Variants in LRRC8C observed in about 807,000 individuals in gnomAD.
The protein encoded by LRRC8C is leucine rich repeat containing 8 VRAC subunit C, also known as volume-regulated anion channel subunit LRRC8C.
LRRC8C carries 20 observed loss-of-function variants against 55.3 expected under a neutral mutation model. The ratio of observed to expected loss-of-function variants is 0.36; its 90% CI spans 0.25 to 0.53. The LOEUF is 0.53. LRRC8C is among the 20% of genes least tolerant of loss of function. The pLI is 0.92. For synonymous variants in LRRC8C, 376 were observed against 360.7 expected (o/e 1.04, Z -0.48); for missense variants, 659 against 951.4 (o/e 0.69, Z 4.04).
the LRRC8C span, among the ~76,000 whole-genome samples, chr1:89,621,618 C>A: frequency 6.6e-6 from 1 of 152,122 alleles, no homozygotes; most frequent in African/African-American, 2.4e-5. Context: ...TCACAATGTG[C>A]CCACCTGGGG....
chr1:89,639,878 T>A (rs1020133216), intron 1 of LRRC8C, among the ~76,000 whole-genome samples: 4 of 152,366 alleles, frequency 2.6e-5, no homozygotes, highest in Admixed American at 6.5e-5. Context: ...GTCATACTTC[T>A]TAATAGGGAC....
At position 89,715,744 on chromosome 1, in the gene LRRC8C, G is replaced by A. The variant is rs1357284100; in HGVS notation, c.*762G>A. ...TATGTAGTACTGGTGAACAACTTTGGAGAACCTAGATTTATTTTAATATTC... is the reference window on the plus strand; with the variant it reads ...TATGTAGTACTGGTGAACAACTTTGAAGAACCTAGATTTATTTTAATATTC... On this transcript the variant is annotated 3_prime_UTR_variant, in exon 3 of 3. Coordinates refer to ENST00000370454, the MANE Select transcript of LRRC8C (RefSeq NM_032270.5). The A allele has an allele frequency of 6.6e-6, 1 of 152,078 alleles. No homozygotes were observed. The highest frequency in any genetic ancestry group is 1.5e-5 in the Non-Finnish European group (1 of 68,020). The allele number at this position is 152,078 out of a possible 1,614,324, so 9.4% of individuals were successfully genotyped here. A position where few individuals can be genotyped will look rare whatever the true frequency, so the allele number is the denominator to read the frequency against.
chr1:89,659,940 G>A (rs1657066955), intron 1 of LRRC8C, among the ~76,000 whole-genome samples: 2 of 152,164 alleles, frequency 1.3e-5, no homozygotes, highest in Admixed American at 1.3e-4. Context: ...ACCCAGGGGA[G>A]TGAAGAGGTG....
At position 89,682,743 on chromosome 1, in the gene LRRC8C, T is replaced by A. The variant is rs1424913933; in HGVS notation, c.-4-3727T>A. ...ATTGAGGCAGTAAAAATTACTGTTT[T>A]AATAACTTTCAACCTTTGACTGCAT... On this transcript the variant is annotated intron_variant, in intron 1 of 2. Transcript: ENST00000370454. 5.3e-5 allele frequency among the ~76,000 whole-genome samples: 8 copies of A among 152,340 alleles called. No individual in the cohort carries two copies. The East Asian group carries it at 1.3e-3, about 26-fold the overall frequency.
intron 1 of LRRC8C, among the ~76,000 whole-genome samples, chr1:89,638,684 A>C (rs1656363441): frequency 6.6e-6 from 1 of 152,136 alleles, no homozygotes. Context: ...CCTTCAGCTG[A>C]AACTTACATG....
the LRRC8C span, among the ~76,000 whole-genome samples, chr1:89,627,021 A>G: frequency 6.7e-6 from 1 of 150,192 alleles, no homozygotes; most frequent in Admixed American, 6.6e-5. Flanking sequence ...TTAAGTTTCC[A>G]TAGCAACCAG....
intron 1 of LRRC8C, among the ~76,000 whole-genome samples, chr1:89,672,089 G>T (rs1253327981): frequency 6.6e-6 from 1 of 152,138 alleles, no homozygotes; most frequent in Non-Finnish European, 1.5e-5. Flanking sequence ...ATAGCAAAAT[G>T]AAACATTTTA....
chr1:89,670,588 TCTCTTCAGAAAAATGTCAATTTAAA>T (rs1305345564), intron 1 of LRRC8C, among the ~76,000 whole-genome samples: 1 of 152,212 alleles, frequency 6.6e-6, no homozygotes, highest in East Asian at 1.9e-4. Context: ...CTGTGGACTT[TCTCTTCAGAAAAATGTCAATTTAAA>T]AAATAATGAA....
intron 1 of LRRC8C, among the ~76,000 whole-genome samples, chr1:89,645,586 T>C (rs1445444095): frequency 6.6e-6 from 1 of 152,050 alleles, no homozygotes; most frequent in African/African-American, 2.4e-5. Flanking sequence ...GTCTAACTAC[T>C]GAAAACCAAA....
At chr1:89,684,027 T>C (rs918807435) in intron 1 of LRRC8C, among the ~76,000 whole-genome samples, 1 of 152,138 alleles carries the variant, frequency 6.6e-6, no homozygotes, top group East Asian at 1.9e-4. Context: ...TTGGAAAATA[T>C]GGTTATTTTT....
At chr1:89,705,463 A>G (rs886186754) in intron 2 of LRRC8C, among the ~76,000 whole-genome samples, 2 of 151,734 alleles carry the variant, frequency 1.3e-5, no homozygotes, top group Non-Finnish European at 1.5e-5. Flanking sequence ...CAAAAATAAA[A>G]TAAAATAAAA....
rs1351925969 is a variant in LRRC8C, at chr1:89,719,504, G to C, written c.*4522G>C. The C allele has an allele frequency of 6.6e-6, 1 of 152,170 alleles. No homozygotes were observed. The highest frequency in any genetic ancestry group is 1.5e-5 in the Non-Finnish European group (1 of 68,026). The allele number at this position is 152,170 out of a possible 1,614,324, so 9.4% of individuals were successfully genotyped here. ...TTTGGATATGTAGTACATAGAAACA[G>C]AAAAATAAAGTCATTTTTATAACTT... On this transcript the variant is annotated 3_prime_UTR_variant, in exon 3 of 3. Coordinates refer to ENST00000370454, the MANE Select transcript of LRRC8C (RefSeq NM_032270.5).
chr1:89,634,154 G>C lies in LRRC8C; in HGVS notation c.-5+832G>C, dbSNP rs187940956. ...CAAACCTCGCATCCTCCGTAGTTTT[G>C]CAACAGCCGGACACCTAGCCCGCAT... On this transcript the variant is annotated intron_variant, in intron 1 of 2. Transcript: ENST00000370454. Among the ~76,000 whole-genome samples, 8 of 152,276 alleles carry C rather than the reference G, an allele frequency of 5.3e-5. No individual in the cohort carries two copies. The East Asian group carries it at 1.3e-3, about 26-fold the overall frequency.
In LRRC8C at chr1:89,664,699, A is replaced by G. The variant is rs1389839334; in HGVS notation, c.-4-21771A>G. Reference sequence around the variant, plus strand: ...TGAAGAAAGTCAATGGTAGCTTGACAGTGATAGCATTGAATCTATAAAATT... The same window carrying G: ...TGAAGAAAGTCAATGGTAGCTTGACGGTGATAGCATTGAATCTATAAAATT... On this transcript the variant is annotated intron_variant, in intron 1 of 2. Coordinates refer to ENST00000370454, the MANE Select transcript of LRRC8C (RefSeq NM_032270.5). 2.0e-5 allele frequency among the ~76,000 whole-genome samples: 3 copies of G among 152,290 alleles called. No individual in the cohort carries two copies. In the East Asian group the frequency reaches 5.8e-4, roughly 29 times the overall value.
At chr1:89,653,204 T>G (rs1656838092) in intron 1 of LRRC8C, among the ~76,000 whole-genome samples, 1 of 152,186 alleles carries the variant, frequency 6.6e-6, no homozygotes, top group Admixed American at 6.5e-5. Flanking sequence ...TTATTGAAAA[T>G]TCCAAAGAGC....
chr1:89,670,249 T>C (rs976799423), intron 1 of LRRC8C, among the ~76,000 whole-genome samples: 4 of 152,228 alleles, frequency 2.6e-5, no homozygotes, highest in Admixed American at 2.0e-4. Context: ...ATAGTAAAGC[T>C]CATTCCGTGA....
intron 2 of LRRC8C, among the ~76,000 whole-genome samples, chr1:89,693,800 G>A (rs1245719207): frequency 1.3e-5 from 2 of 151,564 alleles, no homozygotes; most frequent in Non-Finnish European, 2.9e-5. Context: ...GGGTTTACAA[G>A]CATGCACCAC....
In LRRC8C at chr1:89,642,304, G is replaced by A. The variant is rs114941021; in HGVS notation, c.-5+8982G>A. ...AGATACCAGACTAGTATCCAGGGAG[G>A]ATGTTCTGTGCATTGCTACAATTTA... On this transcript the variant is annotated intron_variant, in intron 1 of 2. Coordinates refer to ENST00000370454, the MANE Select transcript of LRRC8C (RefSeq NM_032270.5). Among the ~76,000 whole-genome samples the A allele has an allele frequency of 6.7e-3, 1,018 of 152,326 alleles. 8 individuals carry two copies. Among genetic ancestry groups the A allele is most frequent in the African/African-American group, 0.024 (987 of 41,574 alleles).
At chr1:89,653,517 C>T (rs1227572237) in intron 1 of LRRC8C, among the ~76,000 whole-genome samples, 6 of 152,080 alleles carry the variant, frequency 3.9e-5, no homozygotes, top group African/African-American at 1.4e-4. Context: ...TCACTGATTC[C>T]CCAAAAAGGC....
Sources: gnomAD v4.1 joint callset for allele counts (sites outside exome capture counted in the v4.1 genomes callset) on GRCh38, gnomAD v4.1.1 for gene constraint, MANE v1.5 for transcripts, NCBI Gene and HGNC (gene_info 2026-07-23, HGNC 2026-07-21) for gene names.